The following NPC1 variants were observed in gnomAD, a reference collection of about 807,000 sequenced individuals.
NPC1 encodes Niemann-Pick C1 protein.
In NPC1, 85 loss-of-function variants were observed where a neutral mutation model predicts 140.4. That is an observed-to-expected ratio of 0.61 (90% confidence interval 0.51 to 0.72). The LOEUF (loss-of-function observed/expected upper bound fraction) is 0.72, where lower values mean the gene tolerates loss of function less well. Among genes scored for constraint, NPC1 ranks in the 30% least tolerant of loss-of-function variants. The pLI is 0.00. For synonymous variants in NPC1, 656 were observed against 624.8 expected, an observed-to-expected ratio of 1.05 and a Z score of -0.74; for missense variants, 1,504 against 1,623.8, an observed-to-expected ratio of 0.93 and a Z score of 1.27.
chr18:23,535,834 C>T (rs2058621665), intron 21 of NPC1, 134 bp from the exon 22 acceptor site: 2 of 715,898 alleles, frequency 2.8e-6, no homozygotes, highest in Non-Finnish European at 5.0e-6. Context: ...TGGCTGTCTA[C>T]AAGACTCACC....
rs1555634656 is a variant in NPC1, at chr18:23,544,947, C to CCCCA, written c.1947+12_1947+13insTGGG. 258 of 1,359,584 alleles carry CCCCA rather than the reference C, an allele frequency of 1.9e-4. 19 individuals carry two copies. The Admixed American group carries it at 4.1e-3, about 22-fold the overall frequency. 84.2% of individuals were successfully genotyped at this position (1,359,584 alleles called of 1,614,324 possible). On this transcript the variant is annotated intron_variant, in intron 12 of 24. Coordinates refer to ENST00000269228, the MANE Select transcript of NPC1 (RefSeq NM_000271.5). Reference sequence around the variant, plus strand: ...TTAACCTCTAGAACATACACCACCCCCCCCCGGCTTACCAGAAGCCTGCGA... The same window carrying CCCCA: ...TTAACCTCTAGAACATACACCACCCCCCCACCCCCGGCTTACCAGAAGCCTGCGA...
chr18:23,539,762 T>G, intron 18 of NPC1, 49 bp downstream of exon 18: 25 of 1,585,008 alleles, frequency 1.6e-5, no homozygotes, highest in South Asian at 2.2e-5. Flanking sequence ...ACTGCCTGGC[T>G]GAGAGCCTCC....
intron 4 of NPC1, 113 bp from the exon 5 acceptor site, chr18:23,561,640 T>C (rs1598987407): frequency 1.6e-5 from 17 of 1,038,630 alleles, no homozygotes; most frequent in Non-Finnish European, 6.0e-6. Context: ...TGCACCATGC[T>C]GGAATGCTGG....
intron 1 of NPC1, among the ~76,000 whole-genome samples, chr18:23,582,615 C>A (rs893506988): frequency 6.6e-6 from 1 of 151,880 alleles, no homozygotes; most frequent in Non-Finnish European, 1.5e-5. Flanking sequence ...CCAGCCTGGG[C>A]AAGCTGGCAA....
At position 23,544,950 on chromosome 18, in the gene NPC1, C is replaced by CCCT. The variant is rs772150994; in HGVS notation, c.1947+9_1947+10insAGG. Reference sequence around the variant, plus strand: ...ACCTCTAGAACATACACCACCCCCCCCCGGCTTACCAGAAGCCTGCGACAG... The same window carrying CCCT: ...ACCTCTAGAACATACACCACCCCCCCCCTCCGGCTTACCAGAAGCCTGCGACAG... On this transcript the variant is annotated intron_variant, in intron 12 of 24. Coordinates refer to ENST00000269228, the MANE Select transcript of NPC1 (RefSeq NM_000271.5). 7.8e-6 allele frequency: 11 copies of CCCT among 1,415,878 alleles called. No individual in the cohort carries two copies. The Admixed American group carries it at 8.7e-5, about 11-fold the overall frequency. 87.7% of individuals were successfully genotyped at this position (1,415,878 alleles called of 1,614,324 possible).
chr18:23,533,216 T>C, intron 24 of NPC1, 139 bp downstream of exon 24: 1 of 982,858 alleles, frequency 1.0e-6, no homozygotes, highest in Non-Finnish European at 1.5e-6. Flanking sequence ...TTAGAAGAAA[T>C]TTTTTTACTC....
chr18:23,582,234 G>C (rs1567988590), intron 1 of NPC1: 1 of 152,140 alleles, frequency 6.6e-6, no homozygotes, highest in Non-Finnish European at 1.5e-5. Flanking sequence ...ACCTAAGCAA[G>C]GGACAGTAAT....
chr18:23,577,113 A>G (rs904765494), intron 1 of NPC1, among the ~76,000 whole-genome samples: 1 of 151,684 alleles, frequency 6.6e-6, no homozygotes, highest in Admixed American at 6.6e-5. Flanking sequence ...TTAGTTAGAT[A>G]CAGAGTTTCC....
chr18:23,557,903 G>A lies in NPC1; in HGVS notation c.882-713C>T, dbSNP rs539242725. On this transcript the variant is annotated intron_variant, in intron 6 of 24. Transcript: ENST00000269228. ...ATGTAAGATAAAGCTGGGGATGGGAGGTGTATGTAAGAACACAGAAGCCAG... is the reference window on the plus strand; with the variant it reads ...ATGTAAGATAAAGCTGGGGATGGGAAGTGTATGTAAGAACACAGAAGCCAG... 3.3e-5 allele frequency among the ~76,000 whole-genome samples: 5 copies of A among 152,316 alleles called. No homozygotes were observed. In the South Asian group the frequency reaches 8.3e-4, roughly 25 times the overall value.
chr18:23,528,901 C>T (rs531226188), downstream of NPC1: 85 of 274,852 alleles, frequency 3.1e-4, no homozygotes, highest in African/African-American at 1.7e-3. Flanking sequence ...TTTTTTGAGA[C>T]GGAGTTTTGT....
rs1474779746 is a variant in NPC1 at position 23,531,979 on chromosome 18, G to C, written c.*223C>G. Reference sequence around the variant, plus strand: ...ATGAGGTTTCTTTCCTGAAGAGGCTGGGAGAAGTTTAGTGTCCTGTGGTTG... The same window carrying C: ...ATGAGGTTTCTTTCCTGAAGAGGCTCGGAGAAGTTTAGTGTCCTGTGGTTG... On this transcript the variant is annotated 3_prime_UTR_variant, in exon 25 of 25. Coordinates refer to ENST00000269228, the MANE Select transcript of NPC1 (RefSeq NM_000271.5). 1.4e-6 allele frequency: 2 copies of C among 1,455,800 alleles called. No individual in the cohort carries two copies. Among genetic ancestry groups the C allele is most frequent in the Non-Finnish European group, 1.8e-6 (2 of 1,111,322 alleles). 90.2% of individuals were successfully genotyped at this position (1,455,800 alleles called of 1,614,324 possible). A position where few individuals can be genotyped will look rare whatever the true frequency, so the allele number is the denominator to read the frequency against.
At chr18:23,566,987 A>G (rs2059135086) in intron 4 of NPC1, among the ~76,000 whole-genome samples, 1 of 152,202 alleles carries the variant, frequency 6.6e-6, no homozygotes, top group African/African-American at 2.4e-5. Context: ...TCATCCATGT[A>G]CTTTCATGGC....
At chr18:23,512,721 CTG>C (rs1241942447) in intron 3 of NPC1, among the ~76,000 whole-genome samples, 1 of 151,864 alleles carries the variant, frequency 6.6e-6, no homozygotes, top group Non-Finnish European at 1.5e-5. Flanking sequence ...GCATGAGCCA[CTG>C]TGTGTGGTCA....
At chr18:23,556,727 G>A in intron 7 of NPC1, 114 bp from the exon 8 acceptor site, 2 of 1,506,526 alleles carry the variant, frequency 1.3e-6, no homozygotes, top group South Asian at 2.4e-5. Context: ...GCCCACCTGG[G>A]GACACATATG....
In NPC1 at chr18:23,533,436, A is replaced by C. The variant is rs1300869996; in HGVS notation, c.3673T>G (p.Tyr1225Asp). Residue 1225 changes from tyrosine (Y) to aspartate (D), a missense_variant, in exon 24 of 25, where the codon TAC becomes GAC. Coordinates refer to ENST00000269228, the MANE Select transcript of NPC1 (RefSeq NM_000271.5). ...ACCATGGCCAAATACATCCTGAAGT[A>C]GAATATCTGGAAAATTTGAGATTTG... Reference protein sequence around the residue: ...FAKSQIFQIFYFRMYLAMVLL... With the variant: ...FAKSQIFQIFDFRMYLAMVLL... 1 of 1,614,164 alleles carries C rather than the reference A, an allele frequency of 6.2e-7. No homozygotes were observed. The highest frequency in any genetic ancestry group is 1.7e-5 in the Admixed American group (1 of 60,032).
chr18:23,519,097 T>TTGAA (rs2058081693), downstream of NPC1: 1 of 1,614,048 alleles, frequency 6.2e-7, no homozygotes, highest in African/African-American at 1.3e-5. Context: ...GATGCACATA[T>TTGAA]TGAAGTTAAA....
At chr18:23,527,949 C>T (rs778202914), downstream of NPC1, 18 of 1,435,042 alleles carry the variant, frequency 1.3e-5, 1 homozygote, top group South Asian at 1.2e-4. Flanking sequence ...CCACCCCCTC[C>T]CGGGTATTTT....
chr18:23,520,208 G>A (rs1196910905), downstream of NPC1: 1 of 1,612,906 alleles, frequency 6.2e-7, no homozygotes, highest in Non-Finnish European at 8.5e-7. Flanking sequence ...CCAGACATCG[G>A]TAATATTCGA....
chr18:23,556,601 C>A lies in NPC1; in HGVS notation c.968G>T (p.Cys323Phe), dbSNP rs758191088. ...AAATGCTGCGCTGACAGGGTCACAGCAGGACGCCTCTCCTGGAAGAACGGG... is the reference window on the plus strand; with the variant it reads ...AAATGCTGCGCTGACAGGGTCACAGAAGGACGCCTCTCCTGGAAGAACGGG... Reference protein sequence around the residue: ...VNASDKGEASCCDPVSAAFEG... With the variant: ...VNASDKGEASFCDPVSAAFEG... The change falls in exon 8 of 25, where the codon TGC becomes TTC. Residue 323 changes from cysteine (C) to phenylalanine (F), a missense_variant. By Grantham distance (205) the Cys-to-Phe change is radical (BLOSUM62 -2). Coordinates refer to ENST00000269228, the MANE Select transcript of NPC1 (RefSeq NM_000271.5). The A allele has an allele frequency of 6.2e-7, 1 of 1,613,904 alleles. No homozygotes were observed. Among genetic ancestry groups the A allele is most frequent in the Non-Finnish European group, 8.5e-7 (1 of 1,179,996 alleles).
Sources: gnomAD v4.1 joint callset for allele counts (sites outside exome capture counted in the v4.1 genomes callset) on GRCh38, gnomAD v4.1.1 for gene constraint, MANE v1.5 for transcripts, NCBI Gene and HGNC (gene_info 2026-07-23, HGNC 2026-07-21) for gene names.